The following ARFGEF3 variants were observed in gnomAD, a reference collection of about 807,000 sequenced individuals.
ARFGEF3 encodes the protein brefeldin A-inhibited guanine nucleotide-exchange protein 3.
In ARFGEF3, 96 loss-of-function variants were observed where a neutral mutation model predicts 221.7. The observed-to-expected ratio is 0.43, with a 90% CI of 0.37 to 0.51. ARFGEF3 has a LOEUF of 0.51. ARFGEF3 is among the 20% of genes least tolerant of loss of function. ARFGEF3 has a pLI of 0.00. For synonymous variants in ARFGEF3, 1,145 were observed against 1,126.8 expected (o/e 1.02, Z -0.32); for missense variants, 2,410 against 2,789.9 (o/e 0.86, Z 3.07).
intron 32 of ARFGEF3, among the ~76,000 whole-genome samples, chr6:138,329,948 T>C (rs1780194660): frequency 6.6e-6 from 1 of 151,644 alleles, no homozygotes; most frequent in African/African-American, 2.4e-5. Context: ...TGGGGCCGTT[T>C]TATAGGATTT....
Position 138,262,897 on chromosome 6 carries a change from A to T in ARFGEF3, c.1414A>T (p.Met472Leu). Reference protein sequence around the residue: ...KDGAEWSRDSMEINEADFRWQ... With the variant: ...KDGAEWSRDSLEINEADFRWQ... ...TGGGGCTGAGTGGAGCCGAGATTCC[A>T]TGGAGATCAATGAGGCTGACTTCCG... is the stretch of plus-strand genomic sequence containing the variant. Residue 472 changes from methionine (M) to leucine (L), a missense_variant, in exon 12 of 34, where the codon ATG becomes TTG. Around this residue, in one of 5 missense-constraint regions of ARFGEF3, gnomAD observed 570 missense variants for 586.9 expected, o/e 0.97. Transcript: ENST00000251691. 1 of 1,612,952 alleles carries T rather than the reference A, an allele frequency of 6.2e-7. No homozygotes were observed. Among genetic ancestry groups the T allele is most frequent in the Non-Finnish European group, 8.5e-7 (1 of 1,179,364 alleles).
At chr6:138,260,347 A>G (rs540262729) in intron 10 of ARFGEF3, among the ~76,000 whole-genome samples, 2 of 152,216 alleles carry the variant, frequency 1.3e-5, no homozygotes, top group African/African-American at 2.4e-5. Flanking sequence ...TGGAGTATCA[A>G]TCACTTTGAA....
rs1779312625 is a variant in ARFGEF3, at chr6:138,287,137, A to C, written c.2849A>C (p.Glu950Ala). ...QMAAASCVQE[E>A]KEEREAQEPS... ...GCAGCTGCCTCCTGTGTCCAAGAAGAAAAAGAAGAGAGGGAGGCCCAAGAA... is the reference window on the plus strand; with the variant it reads ...GCAGCTGCCTCCTGTGTCCAAGAAGCAAAAGAAGAGAGGGAGGCCCAAGAA... Residue 950 changes from glutamate (E) to alanine (A), a missense_variant, in exon 17 of 34, where the codon GAA becomes GCA. Glu to Ala is a moderately radical substitution (Grantham distance 107, BLOSUM62 -1). This residue lies in a region of ARFGEF3 where 594 missense variants were observed against 734.3 expected (regional missense o/e 0.81). Coordinates refer to ENST00000251691, the MANE Select transcript of ARFGEF3 (RefSeq NM_020340.5). The C allele has an allele frequency of 6.3e-7, 1 of 1,575,480 alleles. No individual in the cohort carries two copies.
At chr6:138,174,224 A>T (rs980479666) in intron 2 of ARFGEF3, among the ~76,000 whole-genome samples, 1 of 152,170 alleles carries the variant, frequency 6.6e-6, no homozygotes, top group Non-Finnish European at 1.5e-5. Flanking sequence ...CTTCTAAGAT[A>T]CAAGAAGAAG....
rs781076674 is a variant in ARFGEF3, at chr6:138,334,700, A to C, written c.5854A>C (p.Thr1952Pro). ...SFQSESSTPS[T>P]GGFSGKETPS... is the part of the protein sequence containing the mutation. ...CCAGTCCGAGTCATCCACCCCATCCACCGGGGGCTTCTCTGGGAAAGAAAC... is the reference window on the plus strand; with the variant it reads ...CCAGTCCGAGTCATCCACCCCATCCCCCGGGGGCTTCTCTGGGAAAGAAAC... Residue 1952 changes from threonine (T) to proline (P), a missense_variant, in exon 33 of 34, where the codon ACC (threonine) becomes CCC (proline). Thr to Pro is a conservative substitution (Grantham distance 38, BLOSUM62 -1). Transcript: ENST00000251691. The surrounding 1 kb of genome is among the most constrained non-coding windows in gnomAD (Gnocchi z 5.1). 3 of 1,610,316 alleles carry C rather than the reference A, an allele frequency of 1.9e-6. No homozygotes were observed. Among genetic ancestry groups the C allele is most frequent in the Non-Finnish European group, 2.5e-6 (3 of 1,177,234 alleles).
chr6:138,246,485 T>C (rs1778489128), intron 8 of ARFGEF3, among the ~76,000 whole-genome samples: 1 of 152,254 alleles, frequency 6.6e-6, no homozygotes, highest in South Asian at 2.1e-4. Context: ...CTCATTTTGT[T>C]ATTTGTTTTG....
chr6:138,162,199 GCGGGAGGGCCGCGCGGC>G lies in ARFGEF3; in HGVS notation c.85+33_85+49del. ...AAGCGTCCGGCACCTGCTCGCCGCG[GCGGGAGGGCCGCGCGGC>G]CGGGGCTGAACCCGCGCCTCCGCGC... On this transcript the variant is annotated intron_variant, in intron 1 of 33. Transcript: ENST00000251691. This position sits in a 1 kb window ranked among gnomAD's most constrained non-coding sequence, Gnocchi z 4.7. 6.4e-7 allele frequency: 1 copy of G among 1,568,150 alleles called. No homozygotes were observed. Among genetic ancestry groups the G allele is most frequent in the South Asian group, 1.1e-5 (1 of 88,314 alleles).
intron 12 of ARFGEF3, among the ~76,000 whole-genome samples, chr6:138,263,969 C>T (rs529300492): frequency 6.6e-6 from 1 of 152,282 alleles, no homozygotes; most frequent in South Asian, 2.1e-4. Flanking sequence ...GTCTAAAATT[C>T]ATAGAGCAAT....
At chr6:138,253,793 C>T in intron 8 of ARFGEF3, 87 bp from the exon 9 acceptor site, 4 of 1,040,782 alleles carry the variant, frequency 3.8e-6, no homozygotes, top group Non-Finnish European at 5.8e-6. Flanking sequence ...TAACGCCTAC[C>T]ATTTTTCCGA....
At chr6:138,238,686 C>T (rs1778339895) in intron 6 of ARFGEF3, 55 bp downstream of exon 6, 1 of 1,584,268 alleles carries the variant, frequency 6.3e-7, no homozygotes, top group Non-Finnish European at 8.6e-7. Flanking sequence ...CTGTGTATCC[C>T]ATGCCCCGGG....
chr6:138,164,681 C>A (rs115745822), intron 1 of ARFGEF3, among the ~76,000 whole-genome samples: 2,200 of 152,270 alleles, frequency 0.014, 58 homozygotes, highest in African/African-American at 0.05. Context: ...AACTAAAATA[C>A]CCCTTACAAG....
At chr6:138,270,313 G>A (rs1379932535) in intron 12 of ARFGEF3, among the ~76,000 whole-genome samples, 1 of 152,046 alleles carries the variant, frequency 6.6e-6, no homozygotes, top group East Asian at 1.9e-4. Flanking sequence ...AATGTCATTG[G>A]TGAATTCCAT....
At chr6:138,234,707 T>C (rs993942139) in intron 5 of ARFGEF3, among the ~76,000 whole-genome samples, 1 of 152,216 alleles carries the variant, frequency 6.6e-6, no homozygotes, top group African/African-American at 2.4e-5. Context: ...CTTCCCTACA[T>C]AGAAGACATT....
At chr6:138,296,159 CA>C (rs1779516342) in intron 20 of ARFGEF3, among the ~76,000 whole-genome samples, 3 of 152,004 alleles carry the variant, frequency 2.0e-5, no homozygotes, top group Non-Finnish European at 4.4e-5. Flanking sequence ...TCAGGGTAGG[CA>C]AGGATGGTAC....
rs1480004218 is a variant in ARFGEF3, at chr6:138,334,898, G to A, written c.6052G>A (p.Ala2018Thr). The change falls in exon 33 of 34, where the codon GCC becomes ACC. Residue 2018 changes from alanine (A) to threonine (T), a missense_variant. Ala to Thr is a moderately conservative substitution (Grantham distance 58). This residue lies in a region of ARFGEF3 where 339 missense variants were observed against 334.9 expected (regional missense o/e 1.01). Coordinates refer to ENST00000251691, the MANE Select transcript of ARFGEF3 (RefSeq NM_020340.5). This position sits in a 1 kb window ranked among gnomAD's most constrained non-coding sequence, Gnocchi z 5.1. ...GGGGAACAAAATCTACACCATGGCAGCCGACAAGACCATTTCAAAGTTGAT... is the reference window on the plus strand; with the variant it reads ...GGGGAACAAAATCTACACCATGGCAACCGACAAGACCATTTCAAAGTTGAT... ...NAGNKIYTMAADKTISKLMTE... is the reference protein window; with the variant it reads ...NAGNKIYTMATDKTISKLMTE... 1.5e-5 allele frequency: 24 copies of A among 1,591,408 alleles called. No individual in the cohort carries two copies. Among genetic ancestry groups the A allele is most frequent in the African/African-American group, 6.7e-5 (5 of 74,360 alleles).
intron 4 of ARFGEF3, among the ~76,000 whole-genome samples, chr6:138,210,735 A>T (rs1373436184): frequency 6.6e-6 from 1 of 152,116 alleles, no homozygotes; most frequent in Non-Finnish European, 1.5e-5. Context: ...GAAAGCTTTT[A>T]ATAATGTATT....
chr6:138,290,044 G>A, intron 18 of ARFGEF3, 76 bp downstream of exon 18: 3 of 1,474,476 alleles, frequency 2.0e-6, no homozygotes, highest in Admixed American at 4.4e-5. Context: ...GGCAGGTGGA[G>A]AGGGGTGGCC....
intron 4 of ARFGEF3, among the ~76,000 whole-genome samples, chr6:138,212,299 A>G (rs1047810928): frequency 1.6e-4 from 24 of 152,232 alleles, no homozygotes; most frequent in Admixed American, 2.6e-4. Context: ...AGGCCAAGGC[A>G]GGGGGATGGC....
chr6:138,328,151 C>T lies in ARFGEF3; in HGVS notation c.5123+9C>T. 6.3e-7 allele frequency: 1 copy of T among 1,590,210 alleles called. No individual in the cohort carries two copies. The highest frequency in any genetic ancestry group is 8.6e-7 in the Non-Finnish European group (1 of 1,167,494). On this transcript the variant is annotated intron_variant, in intron 32 of 33. Transcript: ENST00000251691. Reference sequence around the variant, plus strand: ...GGACACACCAAGAAAAGGTAAGTACCTAAATCTCAACTCATAGGGTGCTTA... The same window carrying T: ...GGACACACCAAGAAAAGGTAAGTACTTAAATCTCAACTCATAGGGTGCTTA...
Sources: allele counts gnomAD v4.1 joint callset (sites outside exome capture counted in the v4.1 genomes callset), GRCh38; gene constraint gnomAD v4.1.1; regional missense constraint gnomAD v4.1.1; non-coding constraint Gnocchi (gnomAD v3.1); transcripts MANE v1.5; gene names NCBI Gene and HGNC (gene_info 2026-07-23, HGNC 2026-07-21).